The following LRP1B variants were observed in gnomAD, a reference collection of about 807,000 sequenced individuals.
LRP1B encodes low-density lipoprotein receptor-related protein 1B.
In LRP1B, 217 loss-of-function variants were observed where a neutral mutation model predicts 556.6. That is an observed-to-expected ratio of 0.39 (90% CI 0.35 to 0.44). The LOEUF is 0.44. Among genes scored for constraint, LRP1B ranks in the 20% least tolerant of loss-of-function variants. The probability of loss-of-function intolerance (pLI) is 1.00; values close to 1 mark genes in which losing one functional copy is unlikely to be tolerated. For synonymous variants in LRP1B, 2,047 were observed against 1,865.8 expected, an observed-to-expected ratio of 1.10 and a Z score of -2.50; for missense variants, 5,053 against 5,620.8, an observed-to-expected ratio of 0.90 and a Z score of 3.23.
chr2:140,340,370 C>T (rs1006348435), intron 77 of LRP1B, among the ~76,000 whole-genome samples: 2 of 151,382 alleles, frequency 1.3e-5, no homozygotes, highest in African/African-American at 2.4e-5. Flanking sequence ...GAAATATTAT[C>T]CATTCTGGGT....
intron 2 of LRP1B, among the ~76,000 whole-genome samples, chr2:141,634,437 T>C (rs1689028276): frequency 6.6e-6 from 1 of 152,008 alleles, no homozygotes; most frequent in Admixed American, 6.6e-5. Context: ...GCCCATTGTT[T>C]TGTAGATGAA....
intron 18 of LRP1B, among the ~76,000 whole-genome samples, chr2:140,961,926 A>T (rs561830560): frequency 1.3e-5 from 2 of 152,302 alleles, no homozygotes; most frequent in Non-Finnish European, 2.9e-5. Context: ...TAAGAGTTAA[A>T]AATACTTGCC....
intron 8 of LRP1B, 97 bp from the exon 9 acceptor site, chr2:141,059,151 C>T: frequency 1.3e-6 from 1 of 760,410 alleles, no homozygotes; most frequent in Non-Finnish European, 2.0e-6. Flanking sequence ...AAAATGGCCA[C>T]AGCAGAAGAA....
At chr2:140,254,324 A>G (rs1321328332) in intron 86 of LRP1B, among the ~76,000 whole-genome samples, 2 of 152,166 alleles carry the variant, frequency 1.3e-5, no homozygotes, top group Non-Finnish European at 2.9e-5. Flanking sequence ...GAATGTCTTA[A>G]TTAGTGCAAA....
At chr2:140,638,561 G>A (rs892570238) in intron 41 of LRP1B, among the ~76,000 whole-genome samples, 2 of 152,150 alleles carry the variant, frequency 1.3e-5, no homozygotes, top group Admixed American at 1.3e-4. Flanking sequence ...GATAGTCCAT[G>A]TCTGATTTGT....
At chr2:141,317,188 T>C (rs1026958566) in intron 3 of LRP1B, among the ~76,000 whole-genome samples, 1 of 152,226 alleles carries the variant, frequency 6.6e-6, no homozygotes, top group African/African-American at 2.4e-5. Context: ...GAATTATTGC[T>C]ATATTGGATA....
At chr2:141,884,741 T>C (rs770445977) in intron 1 of LRP1B, among the ~76,000 whole-genome samples, 2 of 152,224 alleles carry the variant, frequency 1.3e-5, no homozygotes, top group Admixed American at 6.5e-5. Flanking sequence ...ATGTGGATAG[T>C]CTTCCTCAAA....
chr2:140,320,560 T>TG (rs978965096), intron 82 of LRP1B, among the ~76,000 whole-genome samples: 17 of 151,960 alleles, frequency 1.1e-4, no homozygotes, highest in African/African-American at 4.1e-4. Context: ...ATGTTTGCTG[T>TG]GATCCTCCAG....
chr2:142,114,972 A>G (rs1707131860), intron 1 of LRP1B, among the ~76,000 whole-genome samples: 1 of 152,166 alleles, frequency 6.6e-6, no homozygotes, highest in Admixed American at 6.6e-5. Context: ...ATCATTACAC[A>G]TTGTATATTT....
chr2:141,667,615 C>A (rs1055957378), intron 2 of LRP1B, among the ~76,000 whole-genome samples: 1 of 152,140 alleles, frequency 6.6e-6, no homozygotes, highest in South Asian at 2.1e-4. Context: ...GACCAGGAAA[C>A]CAGCTTTAGA....
At chr2:141,126,679 T>C (rs1055425373) in intron 7 of LRP1B, among the ~76,000 whole-genome samples, 1 of 152,096 alleles carries the variant, frequency 6.6e-6, no homozygotes, top group Non-Finnish European at 1.5e-5. Context: ...CAAGATCATA[T>C]CCAATCAGCC....
At chr2:141,247,096 G>A (rs1018744262) in intron 5 of LRP1B, 130 bp downstream of exon 5, 4 of 964,936 alleles carry the variant, frequency 4.1e-6, no homozygotes, top group South Asian at 2.9e-5. Context: ...ATAGAGAAGT[G>A]TATTAAAATG....
At chr2:141,415,123 T>C (rs1691043004) in intron 3 of LRP1B, among the ~76,000 whole-genome samples, 1 of 152,188 alleles carries the variant, frequency 6.6e-6, no homozygotes, top group African/African-American at 2.4e-5. Context: ...CACGCCATTC[T>C]CCTGGCTCAG....
At chr2:140,673,892 C>T (rs1277142218) in intron 41 of LRP1B, among the ~76,000 whole-genome samples, 1 of 151,918 alleles carries the variant, frequency 6.6e-6, no homozygotes, top group East Asian at 1.9e-4. Context: ...AATAACATAC[C>T]AACTCCAACC....
At chr2:140,828,077 G>A (rs1691570667) in intron 31 of LRP1B, among the ~76,000 whole-genome samples, 1 of 151,766 alleles carries the variant, frequency 6.6e-6, no homozygotes, top group Non-Finnish European at 1.5e-5. Context: ...AAAGCTGAGG[G>A]AACTCGCAAT....
intron 35 of LRP1B, among the ~76,000 whole-genome samples, chr2:140,746,051 G>A (rs1307874763): frequency 1.3e-5 from 2 of 150,838 alleles, no homozygotes; most frequent in South Asian, 2.1e-4. Context: ...GAATGAGGAT[G>A]AGGCCTATGA....
At chr2:141,633,797 A>C (rs60538706) in intron 2 of LRP1B, among the ~76,000 whole-genome samples, 4,357 of 152,112 alleles carry the variant, frequency 0.029, 120 homozygotes, top group African/African-American at 0.063. Flanking sequence ...CTCAAACTAC[A>C]TTAAAGGACT....
chr2:141,672,141 A>G (rs1690695850), intron 2 of LRP1B, among the ~76,000 whole-genome samples: 2 of 152,164 alleles, frequency 1.3e-5, no homozygotes, highest in South Asian at 4.1e-4. Context: ...AAATACTAAT[A>G]GATTAACTCC....
At chr2:141,006,730 C>T (rs1438817597) in intron 14 of LRP1B, among the ~76,000 whole-genome samples, 1 of 152,010 alleles carries the variant, frequency 6.6e-6, no homozygotes, top group Non-Finnish European at 1.5e-5. Flanking sequence ...AAATTTTATA[C>T]CTATATATCA....
Sources: allele counts gnomAD v4.1 joint callset (sites outside exome capture counted in the v4.1 genomes callset), GRCh38; gene constraint gnomAD v4.1.1; transcripts MANE v1.5; gene names NCBI Gene and HGNC (gene_info 2026-07-23, HGNC 2026-07-21).